Variants in C1orf198 observed in about 807,000 individuals in gnomAD.
C1orf198 encodes the protein uncharacterized protein C1orf198.
In C1orf198, 17 loss-of-function variants were observed where a neutral mutation model predicts 31.4. The ratio of observed to expected loss-of-function variants is 0.54; its 90% CI spans 0.37 to 0.81. The LOEUF is 0.81. Among genes scored for constraint, C1orf198 ranks in the 40% least tolerant of loss-of-function variants. C1orf198 has a pLI of 0.00. For synonymous variants in C1orf198, 175 were observed against 193.8 expected, an observed-to-expected ratio of 0.90 and a Z score of 0.81; for missense variants, 401 against 450.3, an observed-to-expected ratio of 0.89 and a Z score of 0.99.
chr1:230,868,124 G>T, intron 1 of C1orf198, 56 bp downstream of exon 1: 2 of 1,324,086 alleles, frequency 1.5e-6, no homozygotes, highest in Non-Finnish European at 1.9e-6. Context: ...CCACCGGGCC[G>T]GGGCGCCTCG....
chr1:230,844,818 C>T (rs1669544844), intron 2 of C1orf198, among the ~76,000 whole-genome samples: 2 of 152,222 alleles, frequency 1.3e-5, no homozygotes, highest in Admixed American at 6.5e-5. Flanking sequence ...TGCCCCACAT[C>T]TGAGCACCCA....
At position 230,857,499 on chromosome 1, in the gene C1orf198, G is replaced by A. The variant is rs1669902684; in HGVS notation, c.334-1781C>T. The stretch of plus-strand genomic sequence containing the variant: ...GGCTCTTCACAGCTCTTGGCCCCAG[G>A]AGGAAGAGCCAGCCATCAACAGGGT... On this transcript the variant is annotated intron_variant, in intron 1 of 3. Transcript: ENST00000366663. This position sits in a 1 kb window ranked among gnomAD's most constrained non-coding sequence, Gnocchi z 4.2. Among the ~76,000 whole-genome samples, 1 of 152,204 alleles carries A rather than the reference G, an allele frequency of 6.6e-6. No homozygotes were observed. The highest frequency in any genetic ancestry group is 6.5e-5 in the Admixed American group (1 of 15,280).
intron 1 of C1orf198, among the ~76,000 whole-genome samples, chr1:230,862,350 G>A (rs553707954): frequency 4.1e-4 from 63 of 152,266 alleles, no homozygotes; most frequent in African/African-American, 1.4e-3. Context: ...TATATTACAG[G>A]AGTGAGGTAA....
Position 230,837,461 on chromosome 1 carries a change from A to C in C1orf198, c.*2391T>G, listed in dbSNP as rs1285876820. On this transcript the variant is annotated 3_prime_UTR_variant, in exon 4 of 4. Coordinates refer to ENST00000366663, the MANE Select transcript of C1orf198 (RefSeq NM_032800.3). The stretch of plus-strand genomic sequence containing the variant: ...GTGCAGAGACTGGGGGGAGGTGGAG[A>C]ATCCAAAATCATGCTCAGGTTTCTC... 6.6e-6 allele frequency: 1 copy of C among 152,208 alleles called. No individual in the cohort carries two copies. The highest frequency in any genetic ancestry group is 1.5e-5 in the Non-Finnish European group (1 of 68,036). 9.4% of individuals were successfully genotyped at this position (152,208 alleles called of 1,614,324 possible).
Position 230,843,848 on chromosome 1 carries a change from T to C in C1orf198, c.433A>G (p.Asn145Asp). The C allele has an allele frequency of 5.2e-6, 8 of 1,542,974 alleles. No homozygotes were observed. Among genetic ancestry groups the C allele is most frequent in the Non-Finnish European group, 7.0e-6 (8 of 1,147,702 alleles). The change falls in exon 3 of 4, where the codon AAC becomes GAC. Residue 145 changes from asparagine (N) to aspartate (D), a missense_variant. Physicochemically the swap from Asn to Asp is conservative, Grantham distance 23 (BLOSUM62 1). Coordinates refer to ENST00000366663, the MANE Select transcript of C1orf198 (RefSeq NM_032800.3). This position sits in a 1 kb window ranked among gnomAD's most constrained non-coding sequence, Gnocchi z 4.9. Reference sequence around the variant, plus strand: ...CTGGGCTCGCTGGCGGCGGTGCCGTTGCTCGGCTCCTGGATGGATAGGGCG... The same window carrying C: ...CTGGGCTCGCTGGCGGCGGTGCCGTCGCTCGGCTCCTGGATGGATAGGGCG... ...ISALSIQEPS[N>D]GTAASEPRPL...
chr1:230,855,019 T>C (rs912223243), intron 2 of C1orf198, among the ~76,000 whole-genome samples: 2 of 152,214 alleles, frequency 1.3e-5, no homozygotes, highest in Admixed American at 1.3e-4. Flanking sequence ...CAGAAAATCT[T>C]GGTCTTTTAT....
intron 1 of C1orf198, 144 bp downstream of exon 1, chr1:230,868,036 T>TACCCCCCC: frequency 1.2e-6 from 1 of 861,456 alleles, no homozygotes; most frequent in Non-Finnish European, 1.6e-6. Context: ...GCTCTGGGGC[T>TACCCCCCC]CCCCTCCCAC....
At chr1:230,841,417 A>G (rs1255753565) in intron 3 of C1orf198, among the ~76,000 whole-genome samples, 3 of 152,224 alleles carry the variant, frequency 2.0e-5, no homozygotes, top group Admixed American at 2.0e-4. Context: ...GGGACATTCA[A>G]TGTTATCAGT....
In C1orf198 at chr1:230,838,070, C is replaced by T. The variant is rs1669346796; in HGVS notation, c.*1782G>A. On this transcript the variant is annotated 3_prime_UTR_variant, in exon 4 of 4. Coordinates refer to ENST00000366663, the MANE Select transcript of C1orf198 (RefSeq NM_032800.3). This position sits in a 1 kb window ranked among gnomAD's most constrained non-coding sequence, Gnocchi z 4.2. ...CATAGGTTCTACAACAGCCCCATGCCCTCCAGGCAGAAGGTGGAGGCAGGT... is the reference window on the plus strand; with the variant it reads ...CATAGGTTCTACAACAGCCCCATGCTCTCCAGGCAGAAGGTGGAGGCAGGT... 6.6e-6 allele frequency: 1 copy of T among 152,230 alleles called. No homozygotes were observed. The allele number at this position is 152,230 out of a possible 1,614,324, so 9.4% of individuals were successfully genotyped here.
intron 1 of C1orf198, 116 bp downstream of exon 1, chr1:230,868,064 T>C: frequency 9.9e-7 from 1 of 1,007,518 alleles, no homozygotes; most frequent in Non-Finnish European, 1.3e-6. Flanking sequence ...CATTCCTGCC[T>C]TTTCTTTTCC....
chr1:230,868,151 A>G (rs1277478735), intron 1 of C1orf198, 29 bp downstream of exon 1: 1 of 1,349,966 alleles, frequency 7.4e-7, no homozygotes, highest in Non-Finnish European at 9.5e-7. Flanking sequence ...CGGGAGGGGA[A>G]GAGGGTCCGC....
chr1:230,841,785 C>T (rs530999962), intron 3 of C1orf198, among the ~76,000 whole-genome samples: 5 of 152,174 alleles, frequency 3.3e-5, no homozygotes, highest in Non-Finnish European at 5.9e-5. Context: ...TGGGTATGCA[C>T]CCAGGAGAAG....
intron 1 of C1orf198, 154 bp from the exon 2 acceptor site, chr1:230,855,872 G>T (rs1210531702): frequency 6.9e-7 from 1 of 1,451,510 alleles, no homozygotes; most frequent in Admixed American, 2.5e-5. Flanking sequence ...AATATAATGC[G>T]CTGACCGTCT....
chr1:230,839,234 G>C lies in C1orf198; in HGVS notation c.*618C>G, dbSNP rs947118325. The C allele has an allele frequency of 2.0e-5, 3 of 153,128 alleles. No individual in the cohort carries two copies. The highest frequency in any genetic ancestry group is 4.4e-5 in the Non-Finnish European group (3 of 68,780). 9.5% of individuals were successfully genotyped at this position (153,128 alleles called of 1,614,324 possible). ...TGAATATGTATCAGAGCAGGTTAAA[G>C]ACTACACTGCTACATACCCGCAGTC... On this transcript the variant is annotated 3_prime_UTR_variant, in exon 4 of 4. Transcript: ENST00000366663.
chr1:230,853,524 G>A (rs1669796703), intron 2 of C1orf198, among the ~76,000 whole-genome samples: 1 of 152,066 alleles, frequency 6.6e-6, no homozygotes, highest in African/African-American at 2.4e-5. Flanking sequence ...AAGGAGGAAG[G>A]GACAGCTCCC....
At position 230,843,256 on chromosome 1, in the gene C1orf198, T is replaced by C. The variant is rs1021074114; in HGVS notation, c.927+98A>G. On this transcript the variant is annotated intron_variant, in intron 3 of 3. Coordinates refer to ENST00000366663, the MANE Select transcript of C1orf198 (RefSeq NM_032800.3). The surrounding 1 kb of genome is among the most constrained non-coding windows in gnomAD (Gnocchi z 4.9). Reference sequence around the variant, plus strand: ...CAGGGGAAGGAGAAGAAAAAGAGCATGGGCACCTGTGGCCTGCCTGCTTTG... The same window carrying C: ...CAGGGGAAGGAGAAGAAAAAGAGCACGGGCACCTGTGGCCTGCCTGCTTTG... 1.1e-5 allele frequency: 15 copies of C among 1,363,594 alleles called. No individual in the cohort carries two copies. The highest frequency in any genetic ancestry group is 1.7e-5 in the African/African-American group (1 of 60,082). 84.5% of individuals were successfully genotyped at this position (1,363,594 alleles called of 1,614,324 possible). A position where few individuals can be genotyped will look rare whatever the true frequency, so the allele number is the denominator to read the frequency against.
intron 1 of C1orf198, among the ~76,000 whole-genome samples, chr1:230,856,351 C>A (rs1222976545): frequency 6.6e-6 from 1 of 152,058 alleles, no homozygotes; most frequent in Non-Finnish European, 1.5e-5. Context: ...AAATCACTCC[C>A]CACCCCCACC....
At chr1:230,849,721 C>T (rs1402362411) in intron 2 of C1orf198, among the ~76,000 whole-genome samples, 3 of 152,230 alleles carry the variant, frequency 2.0e-5, no homozygotes, top group Non-Finnish European at 4.4e-5. Context: ...TTGGCAGCCT[C>T]GGACAGATCT....
intron 1 of C1orf198, among the ~76,000 whole-genome samples, chr1:230,867,010 G>A (rs997061987): frequency 2.6e-5 from 4 of 152,080 alleles, no homozygotes; most frequent in African/African-American, 9.7e-5. Context: ...TGAACACTTC[G>A]TATTAATAAA....
Sources: gnomAD v4.1 joint callset for allele counts (sites outside exome capture counted in the v4.1 genomes callset) on GRCh38, gnomAD v4.1.1 for gene constraint, Gnocchi (gnomAD v3.1) non-coding constraint, MANE v1.5 for transcripts, NCBI Gene and HGNC (gene_info 2026-07-23, HGNC 2026-07-21) for gene names.